The following PRKAG2 variants were observed in gnomAD, a reference collection of about 807,000 sequenced individuals.
PRKAG2 encodes 5'-AMP-activated protein kinase subunit gamma-2.
In PRKAG2, 26 loss-of-function variants were observed where a neutral mutation model predicts 69.6. That is an observed-to-expected ratio of 0.37 (90% CI 0.27 to 0.52). The LOEUF is 0.52. PRKAG2 is among the 20% of genes least tolerant of loss of function. The pLI is 0.90. For missense variants in PRKAG2, 557 were observed against 740.0 expected, an observed-to-expected ratio of 0.75 and a Z score of 2.87; for synonymous variants, 293 against 285.0, an observed-to-expected ratio of 1.03 and a Z score of -0.28.
chr7:151,707,843 G>A (rs565586816), intron 3 of PRKAG2, among the ~76,000 whole-genome samples: 10 of 152,304 alleles, frequency 6.6e-5, no homozygotes, highest in Admixed American at 1.3e-4. Flanking sequence ...AACTCACCCC[G>A]GGGCCACCGG....
chr7:151,872,119 G>GA lies in PRKAG2; in HGVS notation c.114+4387dup, dbSNP rs1357209559. Among the ~76,000 whole-genome samples the GA allele has an allele frequency of 2.6e-5, 4 of 152,170 alleles. No individual in the cohort carries two copies. In the East Asian group the frequency reaches 5.8e-4, roughly 22 times the overall value. ...CTGAGACACACCCGGGCTATGACCAGACTCATCATTTCCCCCAAGAACCGG... is the reference window on the plus strand; with the variant it reads ...CTGAGACACACCCGGGCTATGACCAGAACTCATCATTTCCCCCAAGAACCGG... On this transcript the variant is annotated intron_variant, in intron 1 of 15. Coordinates refer to ENST00000287878, the MANE Select transcript of PRKAG2 (RefSeq NM_016203.4).
In PRKAG2 at chr7:151,618,994, G is replaced by A. The variant is rs76098838; in HGVS notation, c.754+13075C>T. On this transcript the variant is annotated intron_variant, in intron 5 of 15. Transcript: ENST00000287878. ...AAATGCACACACTCTTCTAAATAAG[G>A]GGGCAGTAAAAGAGTTATTAGGAAA... Among the ~76,000 whole-genome samples the A allele has an allele frequency of 8.9e-3, 1,355 of 152,186 alleles. 23 individuals carry two copies. The highest frequency in any genetic ancestry group is 0.03 in the African/African-American group (1,238 of 41,508).
intron 5 of PRKAG2, among the ~76,000 whole-genome samples, chr7:151,597,113 A>C (rs947876806): frequency 1.3e-5 from 2 of 152,204 alleles, no homozygotes; most frequent in African/African-American, 4.8e-5. Context: ...AAGCCCAGAA[A>C]TAAATCCACA....
At chr7:151,752,206 G>T (rs2074740462) in intron 3 of PRKAG2, among the ~76,000 whole-genome samples, 2 of 152,196 alleles carry the variant, frequency 1.3e-5, no homozygotes. Flanking sequence ...ATGTGCTGCG[G>T]AATATTACAC....
intron 3 of PRKAG2, among the ~76,000 whole-genome samples, chr7:151,755,356 G>A (rs913606491): frequency 6.6e-6 from 1 of 152,062 alleles, no homozygotes; most frequent in African/African-American, 2.4e-5. Flanking sequence ...ATCTCAGGGT[G>A]TTTCAGGCAG....
At chr7:151,641,958 T>C (rs1585436640) in intron 4 of PRKAG2, among the ~76,000 whole-genome samples, 2 of 146,498 alleles carry the variant, frequency 1.4e-5, no homozygotes, top group Non-Finnish European at 3.0e-5. Flanking sequence ...TGTTGGGAGG[T>C]TGAGGTGGGA....
chr7:151,681,870 T>G (rs1833937646), intron 3 of PRKAG2, among the ~76,000 whole-genome samples: 1 of 151,876 alleles, frequency 6.6e-6, no homozygotes, highest in African/African-American at 2.4e-5. Flanking sequence ...AAGTGGGGCT[T>G]CACGGGGCCA....
chr7:151,861,945 T>C (rs1178302779), intron 1 of PRKAG2, among the ~76,000 whole-genome samples: 1 of 150,912 alleles, frequency 6.6e-6, no homozygotes, highest in African/African-American at 2.4e-5. Flanking sequence ...ATCTTCCTGC[T>C]CACACACAGG....
chr7:151,631,144 G>A (rs942429531), intron 5 of PRKAG2, among the ~76,000 whole-genome samples: 2 of 152,160 alleles, frequency 1.3e-5, no homozygotes, highest in Admixed American at 1.3e-4. Context: ...TCTTTGTTTC[G>A]AGAGCTTTAT....
intron 3 of PRKAG2, among the ~76,000 whole-genome samples, chr7:151,775,651 C>T (rs1056368033): frequency 2.6e-5 from 4 of 152,206 alleles, no homozygotes; most frequent in Admixed American, 6.5e-5. Flanking sequence ...AGAGGAAATG[C>T]GCTATTACAC....
At chr7:151,847,634 C>T (rs1437322903) in intron 1 of PRKAG2, among the ~76,000 whole-genome samples, 6 of 152,234 alleles carry the variant, frequency 3.9e-5, no homozygotes, top group East Asian at 1.9e-4. Flanking sequence ...TCCAACACGA[C>T]GATGAGCTAA....
In PRKAG2 at chr7:151,726,400, A is replaced by G. The variant is rs12536499; in HGVS notation, c.467-50763T>C. On this transcript the variant is annotated intron_variant, in intron 3 of 15. Coordinates refer to ENST00000287878, the MANE Select transcript of PRKAG2 (RefSeq NM_016203.4). Reference sequence around the variant, plus strand: ...CACACACACACACACACACACACACACGCACACACACACAGAGCTGATGCC... The same window carrying G: ...CACACACACACACACACACACACACGCGCACACACACACAGAGCTGATGCC... 2.8e-3 allele frequency among the ~76,000 whole-genome samples: 286 copies of G among 102,606 alleles called. 1 individual carries two copies. The highest frequency in any genetic ancestry group is 3.2e-3 in the Non-Finnish European group (136 of 43,002). The allele number at this position is 102,606 out of a possible 152,430, so 67.3% of individuals were successfully genotyped here.
intron 1 of PRKAG2, among the ~76,000 whole-genome samples, chr7:151,832,150 C>T (rs13233587): frequency 0.54 from 80,589 of 150,302 alleles, 24,404 homozygotes; most frequent in Non-Finnish European, 0.68. Flanking sequence ...TCCCAGAATG[C>T]TTGAAATTGA....
At chr7:151,839,949 T>A (rs1260270697) in intron 1 of PRKAG2, among the ~76,000 whole-genome samples, 1 of 151,986 alleles carries the variant, frequency 6.6e-6, no homozygotes, top group Non-Finnish European at 1.5e-5. Flanking sequence ...ACCCCAGGGG[T>A]TCTTGGACAA....
chr7:151,621,687 C>G (rs1421532539), intron 5 of PRKAG2, among the ~76,000 whole-genome samples: 1 of 152,164 alleles, frequency 6.6e-6, no homozygotes, highest in African/African-American at 2.4e-5. Context: ...ATCCTCCTAT[C>G]TCAGCCTCCC....
intron 3 of PRKAG2, among the ~76,000 whole-genome samples, chr7:151,688,618 C>T (rs966587126): frequency 6.6e-6 from 1 of 152,168 alleles, no homozygotes; most frequent in African/African-American, 2.4e-5. Flanking sequence ...GCCCGGGATT[C>T]GGACACTGCT....
intron 5 of PRKAG2, among the ~76,000 whole-genome samples, chr7:151,603,220 G>A (rs1328992486): frequency 1.4e-4 from 4 of 29,080 alleles, no homozygotes; most frequent in African/African-American, 2.2e-4. Flanking sequence ...GACACGCTCC[G>A]TCCTCACCGC....
chr7:151,572,404 C>G (rs918946734), intron 9 of PRKAG2: 2 of 310,834 alleles, frequency 6.4e-6, no homozygotes, highest in Non-Finnish European at 1.2e-5. Context: ...TTAGCTCATT[C>G]ATCTTCACAT....
chr7:151,556,892 C>T lies in PRKAG2; in HGVS notation c.*309G>A. 1 of 415,774 alleles carries T rather than the reference C, an allele frequency of 2.4e-6. No homozygotes were observed. The highest frequency in any genetic ancestry group is 4.5e-6 in the Non-Finnish European group (1 of 222,326). 25.8% of individuals were successfully genotyped at this position (415,774 alleles called of 1,614,324 possible). A position where few individuals can be genotyped will look rare whatever the true frequency, so the allele number is the denominator to read the frequency against. On this transcript the variant is annotated 3_prime_UTR_variant, in exon 16 of 16. Transcript: ENST00000287878. ...GTGCACTCACCTTATGCCACATCAC[C>T]TGTTCCATACCAGTGAATTCTTTGA...
Sources: allele counts gnomAD v4.1 joint callset (sites outside exome capture counted in the v4.1 genomes callset), GRCh38; gene constraint gnomAD v4.1.1; transcripts MANE v1.5; gene names NCBI Gene and HGNC (gene_info 2026-07-23, HGNC 2026-07-21).